Variants in PLEKHG1 observed in about 807,000 individuals in gnomAD.
PLEKHG1 encodes pleckstrin homology and RhoGEF domain containing G1.
PLEKHG1 carries 44 observed loss-of-function variants against 100.8 expected under a neutral mutation model. The observed-to-expected ratio is 0.44, with a 90% CI of 0.34 to 0.56. The LOEUF (loss-of-function observed/expected upper bound fraction) is 0.56. Ranked by LOEUF, PLEKHG1 falls within the 20% of genes least tolerant of loss-of-function variation. PLEKHG1 has a pLI of 0.01. For missense variants in PLEKHG1, 1,545 were observed against 1,720.9 expected (o/e 0.90, Z 1.81); for synonymous variants, 640 against 662.5 (o/e 0.97, Z 0.52).
intron 2 of PLEKHG1, among the ~76,000 whole-genome samples, chr6:150,754,286 G>C (rs1783692527): frequency 1.3e-5 from 2 of 152,202 alleles, no homozygotes; most frequent in African/African-American, 4.8e-5. Flanking sequence ...CAGTGAGTGA[G>C]TGCCTGTGTT....
intron 10 of PLEKHG1, among the ~76,000 whole-genome samples, chr6:150,810,056 G>A (rs553991498): frequency 3.6e-4 from 55 of 152,144 alleles, no homozygotes; most frequent in South Asian, 1.9e-3. Flanking sequence ...AGCACGTTGG[G>A]AGGCCAAGGC....
chr6:150,687,225 T>A (rs188755647), intron 3 of PLEKHG1, among the ~76,000 whole-genome samples: 3 of 152,334 alleles, frequency 2.0e-5, no homozygotes, highest in African/African-American at 7.2e-5. Context: ...AGTAAAAGAT[T>A]ATTACTACCT....
At chr6:150,699,933 C>G (rs911757331) in intron 3 of PLEKHG1, among the ~76,000 whole-genome samples, 10 of 152,166 alleles carry the variant, frequency 6.6e-5, no homozygotes, top group Non-Finnish European at 1.5e-4. Flanking sequence ...TTGCTAACTC[C>G]TGCTATGTTT....
intron 3 of PLEKHG1, among the ~76,000 whole-genome samples, chr6:150,784,210 T>A (rs1785479825): frequency 6.6e-6 from 1 of 152,186 alleles, no homozygotes; most frequent in Non-Finnish European, 1.5e-5. Context: ...GCTCAGTGCA[T>A]GAAAAAGACC....
intron 1 of PLEKHG1, among the ~76,000 whole-genome samples, chr6:150,618,761 A>G (rs1310832507): frequency 6.6e-6 from 1 of 152,200 alleles, no homozygotes; most frequent in Non-Finnish European, 1.5e-5. Context: ...GGCTCTTGTG[A>G]GTTGGTACAG....
chr6:150,730,926 A>G (rs560132421), intron 1 of PLEKHG1, among the ~76,000 whole-genome samples: 10 of 150,522 alleles, frequency 6.6e-5, no homozygotes, highest in Admixed American at 4.6e-4. Flanking sequence ...AACATATTCA[A>G]CTTATGTTTA....
At chr6:150,711,391 A>G (rs1379151995) in intron 3 of PLEKHG1, among the ~76,000 whole-genome samples, 1 of 152,184 alleles carries the variant, frequency 6.6e-6, no homozygotes, top group Non-Finnish European at 1.5e-5. Flanking sequence ...AATATGGGAA[A>G]CTGATAGGAC....
exon 15 of PLEKHG1, chr6:150,832,162 G>C (rs1165180517): frequency 6.2e-7 from 1 of 1,609,390 alleles, no homozygotes; most frequent in Non-Finnish European, 8.5e-7. Context: ...ACAAAGACCT[G>C]GCTGCCATCT....
At chr6:150,811,726 C>G (rs777946660) in intron 10 of PLEKHG1, among the ~76,000 whole-genome samples, 5 of 151,034 alleles carry the variant, frequency 3.3e-5, no homozygotes, top group Admixed American at 6.6e-5. Context: ...GGGACTGAGG[C>G]AGGGGCTGGG....
rs933130795 is a variant in PLEKHG1, at chr6:150,761,105, T to C, written c.412-7533T>C. 4.4e-3 allele frequency among the ~76,000 whole-genome samples: 558 copies of C among 126,456 alleles called. 3 individuals carry two copies. The highest frequency in any genetic ancestry group is 6.0e-3 in the Non-Finnish European group (368 of 60,900). The allele number at this position is 126,456 out of a possible 152,430, so 83.0% of individuals were successfully genotyped here. A position where few individuals can be genotyped will look rare whatever the true frequency, so the allele number is the denominator to read the frequency against. The stretch of plus-strand genomic sequence containing the variant: ...TTGATTTCTTTCTTTTTTTCTTTTT[T>C]TTTTTTTTTTTTTTTTTTGAGACAA... On this transcript the variant is annotated intron_variant, in intron 2 of 15. Coordinates refer to ENST00000358517, the Ensembl canonical transcript of PLEKHG1.
intron 2 of PLEKHG1, among the ~76,000 whole-genome samples, chr6:150,644,720 A>G (rs1017296230): frequency 1.3e-5 from 2 of 152,168 alleles, no homozygotes; most frequent in Non-Finnish European, 2.9e-5. Context: ...TTTCTAGAAA[A>G]AAACAGGATA....
chr6:150,795,263 G>A (rs1164810724), intron 4 of PLEKHG1, among the ~76,000 whole-genome samples: 1 of 152,038 alleles, frequency 6.6e-6, no homozygotes, highest in Non-Finnish European at 1.5e-5. Context: ...GGTGACGCAT[G>A]CCTGTAATCC....
intron 2 of PLEKHG1, among the ~76,000 whole-genome samples, chr6:150,755,050 G>A (rs58211472): frequency 0.02 from 3,000 of 151,746 alleles, 100 homozygotes; most frequent in African/African-American, 0.069. Flanking sequence ...ATCATACCTC[G>A]CTGCAGCCTT....
rs143405496 is a variant in PLEKHG1, at chr6:150,638,239, C to T, written c.-158+114C>T. On this transcript the variant is annotated intron_variant, in intron 2 of 3. Transcript: ENST00000367326. ...GATAGAATGTATTTCTGTTTTCCAC[C>T]AAGGCCGCAGCTCCGGCTAAGTTAG... The T allele has an allele frequency of 4.6e-5, 7 of 152,378 alleles. No homozygotes were observed. The East Asian group carries it at 1.4e-3, about 29-fold the overall frequency. 9.4% of individuals were successfully genotyped at this position (152,378 alleles called of 1,614,324 possible). A position where few individuals can be genotyped will look rare whatever the true frequency, so the allele number is the denominator to read the frequency against.
At chr6:150,707,767 T>A (rs1781083271) in intron 3 of PLEKHG1, among the ~76,000 whole-genome samples, 1 of 152,072 alleles carries the variant, frequency 6.6e-6, no homozygotes, top group African/African-American at 2.4e-5. Context: ...CAGGTCACAC[T>A]CTGTCTAATC....
intron 2 of PLEKHG1, among the ~76,000 whole-genome samples, chr6:150,754,662 T>C (rs1783720229): frequency 6.7e-6 from 1 of 150,166 alleles, no homozygotes; most frequent in African/African-American, 2.5e-5. Flanking sequence ...GCATTAGGAC[T>C]TTCTTTCTTT....
intron 2 of PLEKHG1, among the ~76,000 whole-genome samples, chr6:150,737,316 G>T (rs531754406): frequency 4.3e-4 from 57 of 131,402 alleles, no homozygotes; most frequent in African/African-American, 1.5e-3. Flanking sequence ...ACGGAGTCTC[G>T]CTTTGTCGCC....
intron 4 of PLEKHG1, 141 bp downstream of exon 5, chr6:150,786,600 C>G: frequency 1.6e-6 from 1 of 610,016 alleles, no homozygotes. Context: ...GTTTGAGTAG[C>G]AAAAATGTAT....
rs572646415 is a variant in PLEKHG1, at chr6:150,670,430, C to A, written c.-99+19644C>A. Among the ~76,000 whole-genome samples, 12 of 152,210 alleles carry A rather than the reference C, an allele frequency of 7.9e-5. No individual in the cohort carries two copies. In the South Asian group the frequency reaches 2.3e-3, roughly 29 times the overall value. ...CAAGGCACAGAGATGGAAGGCTAAC[C>A]CAGAAGGACAACATCGAAGCCCTGA... On this transcript the variant is annotated intron_variant, in intron 3 of 3. Coordinates refer to the PLEKHG1 transcript ENST00000367326.
Sources: gnomAD v4.1 joint callset for allele counts (sites outside exome capture counted in the v4.1 genomes callset) on GRCh38, gnomAD v4.1.1 for gene constraint, MANE v1.5 for transcripts, NCBI Gene and HGNC (gene_info 2026-07-23, HGNC 2026-07-21) for gene names.